The following ZNF506 variants were observed in gnomAD, a reference collection of about 807,000 sequenced individuals.
ZNF506 encodes the protein zinc finger protein 506.
ZNF506 carries 10 observed loss-of-function variants against 11.6 expected under a neutral mutation model. The ratio of observed to expected loss-of-function variants is 0.86; its 90% confidence interval spans 0.53 to 1.46. ZNF506 has a LOEUF of 1.46. Among genes scored for constraint, ZNF506 ranks in the 40% most tolerant of loss-of-function variants. The pLI is 0.00. For synonymous variants in ZNF506, 156 were observed against 173.3 expected (o/e 0.90, Z 0.78); for missense variants, 425 against 521.2 (o/e 0.82, Z 1.80).
intron 1 of ZNF506, among the ~76,000 whole-genome samples, chr19:19,809,885 T>TA (rs1373530291): frequency 2.0e-5 from 3 of 152,182 alleles, no homozygotes; most frequent in Non-Finnish European, 4.4e-5. Context: ...GGCCTCACCT[T>TA]AGAGTCATAT....
At chr19:19,807,564 T>C (rs1288231440) in intron 1 of ZNF506, among the ~76,000 whole-genome samples, 1 of 152,148 alleles carries the variant, frequency 6.6e-6, no homozygotes, top group Non-Finnish European at 1.5e-5. Context: ...TGGAGTGCAA[T>C]GGCGCCATCT....
rs1460081436 is a variant in ZNF506, at chr19:19,806,974, A to G, written c.98T>C (p.Met33Thr). 3 of 1,613,892 alleles carry G rather than the reference A, an allele frequency of 1.9e-6. No individual in the cohort carries two copies. The highest frequency in any genetic ancestry group is 2.5e-6 in the Non-Finnish European group (3 of 1,179,928). ...AAQRNLYRDV[M>T]LENYRNLIFL... ...GATCAGGTTTCTGTAGTTCTCTAAC[A>G]TCACATCCCTATATAGATTCCGCTG... is the stretch of plus-strand genomic sequence containing the variant. Residue 33 changes from methionine to threonine, a missense_variant, in exon 2 of 4, where the codon ATG becomes ACG. Coordinates refer to ENST00000540806, the MANE Select transcript of ZNF506 (RefSeq NM_001099269.3).
At chr19:19,813,285 T>G (rs1345729524) in intron 1 of ZNF506, among the ~76,000 whole-genome samples, 3 of 152,242 alleles carry the variant, frequency 2.0e-5, no homozygotes, top group African/African-American at 4.8e-5. Context: ...TCTTTGGATA[T>G]TAGATATAAA....
rs572085582 is a variant in ZNF506, at chr19:19,793,024, C to A, written c.*1528G>T. The stretch of plus-strand genomic sequence containing the variant: ...ATCTGTAATATCCCTGATGCAGCAA[C>A]AATTGATCACATGCTTTCACATGTG... On this transcript the variant is annotated 3_prime_UTR_variant, in exon 4 of 4. Transcript: ENST00000540806. Among the ~76,000 whole-genome samples, 2 of 152,158 alleles carry A rather than the reference C, an allele frequency of 1.3e-5. No individual in the cohort carries two copies. Among genetic ancestry groups the A allele is most frequent in the Non-Finnish European group, 2.9e-5 (2 of 68,014 alleles).
At chr19:19,806,549 C>A (rs891500673) in intron 2 of ZNF506, among the ~76,000 whole-genome samples, 2 of 152,214 alleles carry the variant, frequency 1.3e-5, no homozygotes, top group African/African-American at 2.4e-5. Flanking sequence ...AGCCACCAAG[C>A]CTGGCCTATA....
chr19:19,812,582 T>C (rs1195290941), intron 1 of ZNF506, among the ~76,000 whole-genome samples: 1 of 152,208 alleles, frequency 6.6e-6, no homozygotes, highest in Non-Finnish European at 1.5e-5. Flanking sequence ...CTGTAGCAGG[T>C]CAATGAACAA....
intron 1 of ZNF506, among the ~76,000 whole-genome samples, chr19:19,814,350 G>C (rs186255493): frequency 6.6e-6 from 1 of 151,256 alleles, no homozygotes; most frequent in Admixed American, 6.6e-5. Flanking sequence ...GGAGGTTGCA[G>C]TGAGCCGAGA....
chr19:19,798,838 TTAAATA>T, intron 3 of ZNF506: 1 of 152,098 alleles, frequency 6.6e-6, no homozygotes. Context: ...AGAAAACTAT[TTAAATA>T]TAATTATCTT....
Position 19,818,713 on chromosome 19 carries a change from A to C in ZNF506, c.3+2888T>G, listed in dbSNP as rs547964642. Among the ~76,000 whole-genome samples, 4 of 152,334 alleles carry C rather than the reference A, an allele frequency of 2.6e-5. 1 individual carries two copies. In the South Asian group the frequency reaches 8.3e-4, roughly 32 times the overall value. On this transcript the variant is annotated intron_variant, in intron 1 of 3. Coordinates refer to ENST00000540806, the MANE Select transcript of ZNF506 (RefSeq NM_001099269.3). ...ATAAAATGCAAATTACAGTTAAAAC[A>C]CTGATGCAGCTGAGTGCAGTGGCTC...
chr19:19,814,197 T>G (rs1054954405), intron 1 of ZNF506, among the ~76,000 whole-genome samples: 4 of 151,752 alleles, frequency 2.6e-5, no homozygotes, highest in Non-Finnish European at 4.4e-5. Context: ...TCACATGAGG[T>G]GCGGAGTTTG....
intron 3 of ZNF506, among the ~76,000 whole-genome samples, chr19:19,801,542 G>A (rs951856650): frequency 1.3e-5 from 2 of 151,326 alleles, no homozygotes; most frequent in Admixed American, 6.6e-5. Context: ...TTTAATCCCA[G>A]CACTTTGGGA....
At position 19,800,391 on chromosome 19, in the gene ZNF506, A is replaced by AATATATATATATATATATATATATAT. The variant is rs3062863; in HGVS notation, c.227-4732_227-4731insATATATATATATATATATATATATAT. On this transcript the variant is annotated intron_variant, in intron 3 of 3. Coordinates refer to ENST00000540806, the MANE Select transcript of ZNF506 (RefSeq NM_001099269.3). ...CAACATAATTAATATAACTAAACAG[A>AATATATATATATATATATATATATAT]ATATATATATATATATATATATTTA... 6.9e-4 allele frequency among the ~76,000 whole-genome samples: 96 copies of AATATATATATATATATATATATATAT among 139,198 alleles called. 1 individual carries two copies. The highest frequency in any genetic ancestry group is 3.1e-3 in the East Asian group (13 of 4,246). The allele number at this position is 139,198 out of a possible 152,430, so 91.3% of individuals were successfully genotyped here.
chr19:19,801,481 C>T (rs1031201449), intron 3 of ZNF506, among the ~76,000 whole-genome samples: 6 of 144,620 alleles, frequency 4.1e-5, no homozygotes, highest in African/African-American at 1.0e-4. Context: ...GGCAACAGAA[C>T]GAGAATCCAT....
intron 3 of ZNF506, chr19:19,798,673 A>AAG: frequency 6.7e-6 from 1 of 150,306 alleles, no homozygotes; most frequent in African/African-American, 2.4e-5. Context: ...AAAAAAAAAA[A>AAG]AAAGAAAATA....
At position 19,814,679 on chromosome 19, in the gene ZNF506, C is replaced by A. The variant is rs1231061278; in HGVS notation, c.3+6922G>T. On this transcript the variant is annotated intron_variant, in intron 1 of 3. Transcript: ENST00000540806. ...GCTGTGTAACAAACCTACATGTGTA[C>A]CCTGAACCAAAAATAAAGGTAAAAG... 4.0e-5 allele frequency among the ~76,000 whole-genome samples: 6 copies of A among 151,658 alleles called. No homozygotes were observed. The East Asian group carries it at 9.7e-4, about 24-fold the overall frequency.
Position 19,809,687 on chromosome 19 carries a change from T to C in ZNF506, c.4-2619A>G, listed in dbSNP as rs182984262. ...TGCTCCATGAAAATAAGAATGTTTC[T>C]CCTTTCCTGTCCCCAGGTGCCCTCC... On this transcript the variant is annotated intron_variant, in intron 1 of 3. Transcript: ENST00000540806. 5.3e-3 allele frequency among the ~76,000 whole-genome samples: 813 copies of C among 152,296 alleles called. 8 individuals are homozygous for C. The highest frequency in any genetic ancestry group is 0.018 in the African/African-American group (728 of 41,562).
chr19:19,817,126 T>G (rs2062939002), intron 1 of ZNF506, among the ~76,000 whole-genome samples: 1 of 152,128 alleles, frequency 6.6e-6, no homozygotes, highest in South Asian at 2.1e-4. Flanking sequence ...TAATCAAACT[T>G]AAGTTTATCT....
At position 19,794,381 on chromosome 19, in the gene ZNF506, A is replaced by G; in HGVS notation, c.*171T>C. The stretch of plus-strand genomic sequence containing the variant: ...CTTCACACTTGTAGGGTTTCTGTCC[A>G]GTATAAATTATGTGTAATAAGGGTT... On this transcript the variant is annotated 3_prime_UTR_variant, in exon 4 of 4. Transcript: ENST00000540806. 1.5e-6 allele frequency: 1 copy of G among 645,266 alleles called. No homozygotes were observed. The highest frequency in any genetic ancestry group is 2.9e-5 in the East Asian group (1 of 34,914). 40.0% of individuals were successfully genotyped at this position (645,266 alleles called of 1,614,324 possible).
rs79509326 is a variant in ZNF506 at position 19,796,026 on chromosome 19, G to A, written c.227-366C>T. ...GGGCCCGGTGTGGTAGCTCACACCC[G>A]TGACCCCAGCACTCCGGGAGGCTGA... On this transcript the variant is annotated intron_variant, in intron 3 of 3. Transcript: ENST00000540806. 3.4e-3 allele frequency: 881 copies of A among 259,988 alleles called. 23 individuals are homozygous for A. The East Asian group carries it at 0.056, about 16-fold the overall frequency. 16.1% of individuals were successfully genotyped at this position (259,988 alleles called of 1,614,324 possible). A position where few individuals can be genotyped will look rare whatever the true frequency, so the allele number is the denominator to read the frequency against.
Sources: allele counts gnomAD v4.1 joint callset (sites outside exome capture counted in the v4.1 genomes callset), GRCh38; gene constraint gnomAD v4.1.1; transcripts MANE v1.5; gene names NCBI Gene and HGNC (gene_info 2026-07-23, HGNC 2026-07-21).